GALNT2: variants seen among roughly 807,000 people sequenced by gnomAD.
The protein encoded by GALNT2 is polypeptide N-acetylgalactosaminyltransferase 2.
A neutral mutation model predicts 81.4 loss-of-function variants in GALNT2; 31 were observed. The ratio of observed to expected loss-of-function variants is 0.38; its 90% CI spans 0.29 to 0.51. GALNT2 has a LOEUF of 0.51. GALNT2 is among the 20% of genes least tolerant of loss of function. The pLI is 0.87. For missense variants in GALNT2, 629 were observed against 765.7 expected, an observed-to-expected ratio of 0.82 and a Z score of 2.11; for synonymous variants, 303 against 287.4, an observed-to-expected ratio of 1.05 and a Z score of -0.55.
intron 1 of GALNT2, among the ~76,000 whole-genome samples, chr1:230,163,196 T>G (rs1326127596): frequency 2.6e-5 from 4 of 152,088 alleles, no homozygotes; most frequent in Non-Finnish European, 4.4e-5. Flanking sequence ...AACAAACTTT[T>G]GTCAAAGGAA....
At chr1:230,192,114 G>A (rs1037103602) in intron 2 of GALNT2, among the ~76,000 whole-genome samples, 2 of 152,246 alleles carry the variant, frequency 1.3e-5, no homozygotes, top group African/African-American at 4.8e-5. Flanking sequence ...AGGGGGCTGG[G>A]CAGCTGAGAA....
chr1:230,087,749 T>C (rs1659942381), intron 1 of GALNT2, among the ~76,000 whole-genome samples: 1 of 152,160 alleles, frequency 6.6e-6, no homozygotes, highest in African/African-American at 2.4e-5. Context: ...TGAATATCTG[T>C]TTGGACTTTT....
intron 1 of GALNT2, among the ~76,000 whole-genome samples, chr1:230,099,931 G>A (rs1660354215): frequency 6.6e-6 from 1 of 152,200 alleles, no homozygotes; most frequent in African/African-American, 2.4e-5. Flanking sequence ...TTTATCTGGG[G>A]CTTGGTGTTG....
intron 1 of GALNT2, among the ~76,000 whole-genome samples, chr1:230,124,517 C>T (rs1391032299): frequency 1.3e-5 from 2 of 152,204 alleles, no homozygotes; most frequent in African/African-American, 4.8e-5. Flanking sequence ...CAGGTTGCAT[C>T]ATGTCCAGAA....
chr1:230,208,790 G>A (rs1399326461), intron 3 of GALNT2, among the ~76,000 whole-genome samples: 1 of 152,186 alleles, frequency 6.6e-6, no homozygotes, highest in African/African-American at 2.4e-5. Flanking sequence ...GAGCCTCAGG[G>A]GAGTGTCTAA....
Position 230,222,031 on chromosome 1 carries a change from C to CTCTTTTTTTTTTTTTTTT in GALNT2, c.375-13982_375-13981insCTTTTTTTTTTTTTTTTT, listed in dbSNP as rs1553270493. ...TTTATATACATTTCACTGCTTTTCT[C>CTCTTTTTTTTTTTTTTTT]TTTTTTTTTTTTTGAGACAGAGTCT... On this transcript the variant is annotated intron_variant, in intron 3 of 15. Coordinates refer to ENST00000366672, the MANE Select transcript of GALNT2 (RefSeq NM_004481.5). 7.7e-4 allele frequency among the ~76,000 whole-genome samples: 74 copies of CTCTTTTTTTTTTTTTTTT among 96,118 alleles called. 1 individual carries two copies. Among genetic ancestry groups the CTCTTTTTTTTTTTTTTTT allele is most frequent in the African/African-American group, 3.0e-3 (59 of 19,560 alleles). 63.1% of individuals were successfully genotyped at this position (96,118 alleles called of 152,430 possible). A position where few individuals can be genotyped will look rare whatever the true frequency, so the allele number is the denominator to read the frequency against.
chr1:230,215,025 C>T (rs1265154980), intron 3 of GALNT2, among the ~76,000 whole-genome samples: 1 of 152,138 alleles, frequency 6.6e-6, no homozygotes, highest in Non-Finnish European at 1.5e-5. Flanking sequence ...TAGTTTTGTT[C>T]TCTGGCAGGC....
At chr1:230,081,263 C>G (rs984533377) in intron 1 of GALNT2, among the ~76,000 whole-genome samples, 1 of 152,078 alleles carries the variant, frequency 6.6e-6, no homozygotes, top group Non-Finnish European at 1.5e-5. Flanking sequence ...GTGTGAGGAC[C>G]GAGTGGCCCC....
chr1:230,189,055 G>A (rs641038), intron 2 of GALNT2, among the ~76,000 whole-genome samples: 43,172 of 151,964 alleles, frequency 0.28, 6,891 homozygotes, highest in East Asian at 0.55. Flanking sequence ...CTAGAAGGCC[G>A]AGGTCTGCCT....
intron 1 of GALNT2, among the ~76,000 whole-genome samples, chr1:230,148,883 A>G (rs1208448642): frequency 1.3e-5 from 2 of 150,238 alleles, no homozygotes; most frequent in East Asian, 4.0e-4. Flanking sequence ...CACCATACCC[A>G]GCCCCACTCC....
rs142173454 is a variant in GALNT2 at position 230,062,008 on chromosome 1, G to A, written n.89+3930G>A. Among the ~76,000 whole-genome samples, 805 of 152,212 alleles carry A rather than the reference G, an allele frequency of 5.3e-3. 6 individuals carry two copies. The highest frequency in any genetic ancestry group is 0.029 in the South Asian group (140 of 4,826). ...TTTAACAAAATATCCTGGATATTAC[G>A]CTATATGTGTTCACGGACGTCTTCC... On this transcript the variant is annotated intron_variant and non_coding_transcript_variant, in intron 1 of 6. Transcript: ENST00000494106.
At chr1:230,265,793 G>A (rs1212699112) in intron 14 of GALNT2, among the ~76,000 whole-genome samples, 1 of 152,236 alleles carries the variant, frequency 6.6e-6, no homozygotes, top group Non-Finnish European at 1.5e-5. Flanking sequence ...GCACTAAGGC[G>A]GCTGCTAGTT....
At chr1:230,201,644 C>G (rs1663895574) in intron 2 of GALNT2, among the ~76,000 whole-genome samples, 2 of 152,192 alleles carry the variant, frequency 1.3e-5, no homozygotes, top group Admixed American at 1.3e-4. Flanking sequence ...CTCCCCCTTG[C>G]TGCCCTGTTT....
intron 1 of GALNT2, among the ~76,000 whole-genome samples, chr1:230,123,277 G>T (rs1346943268): frequency 6.6e-6 from 1 of 152,182 alleles, no homozygotes; most frequent in African/African-American, 2.4e-5. Flanking sequence ...CCAAGTGGTT[G>T]TTAGCTGTTT....
At chr1:230,272,356 G>A (rs527280576) in intron 14 of GALNT2, among the ~76,000 whole-genome samples, 1 of 152,286 alleles carries the variant, frequency 6.6e-6, no homozygotes, top group East Asian at 1.9e-4. Flanking sequence ...TGTTTGGAAT[G>A]CTACAGTGCA....
intron 1 of GALNT2, among the ~76,000 whole-genome samples, chr1:230,105,992 G>A (rs1660533005): frequency 6.6e-6 from 1 of 152,174 alleles, no homozygotes; most frequent in African/African-American, 2.4e-5. Flanking sequence ...TAGTAATTCG[G>A]TAAAGATGAT....
At chr1:230,210,688 T>C (rs1201612751) in intron 3 of GALNT2, among the ~76,000 whole-genome samples, 6 of 152,246 alleles carry the variant, frequency 3.9e-5, no homozygotes, top group Non-Finnish European at 5.9e-5. Flanking sequence ...TTGACCACTT[T>C]TGAAATGTCT....
At chr1:230,129,308 A>C (rs1661293129) in intron 1 of GALNT2, among the ~76,000 whole-genome samples, 1 of 152,022 alleles carries the variant, frequency 6.6e-6, no homozygotes, top group Non-Finnish European at 1.5e-5. Context: ...AAAATCCACA[A>C]ATTTAACTCT....
intron 1 of GALNT2, among the ~76,000 whole-genome samples, chr1:230,089,177 C>T (rs1433597948): frequency 4.1e-5 from 6 of 146,920 alleles, no homozygotes; most frequent in African/African-American, 7.6e-5. Flanking sequence ...GAGATGGAGT[C>T]GCTCTGTGGC....
Sources: gnomAD v4.1 joint callset for allele counts (sites outside exome capture counted in the v4.1 genomes callset) on GRCh38, gnomAD v4.1.1 for gene constraint, MANE v1.5 for transcripts, NCBI Gene and HGNC (gene_info 2026-07-23, HGNC 2026-07-21) for gene names.